Variants in CSPP1 observed in about 807,000 individuals in gnomAD.
CSPP1 encodes centrosome and spindle pole-associated protein 1.
In CSPP1, 126 loss-of-function variants were observed where a neutral mutation model predicts 164.4. That is an observed-to-expected ratio of 0.77 (90% CI 0.66 to 0.89). The LOEUF is 0.89. Among genes scored for constraint, CSPP1 ranks in the 40% least tolerant of loss-of-function variants. The pLI is 0.00. For missense variants in CSPP1, 1,395 were observed against 1,449.8 expected (o/e 0.96, Z 0.61); for synonymous variants, 472 against 476.7 (o/e 0.99, Z 0.13).
Position 67,172,618 on chromosome 8 carries a change from A to AGATT in CSPP1, c.2968+63_2968+64insGATT. Reference sequence around the variant, plus strand: ...GTGTTCTACCCATATTTAAATATCTATAAAGATCTTTGTACCCTTTTTCTA... The same window carrying AGATT: ...GTGTTCTACCCATATTTAAATATCTAGATTTAAAGATCTTTGTACCCTTTTTCTA... On this transcript the variant is annotated intron_variant, in intron 25 of 30. Coordinates refer to ENST00000678616, the MANE Select transcript of CSPP1 (RefSeq NM_001382391.1). 7.3e-6 allele frequency: 10 copies of AGATT among 1,361,594 alleles called. No individual in the cohort carries two copies. The African/African-American group carries it at 1.3e-4, about 18-fold the overall frequency. The allele number at this position is 1,361,594 out of a possible 1,614,324, so 84.3% of individuals were successfully genotyped here. A position where few individuals can be genotyped will look rare whatever the true frequency, so the allele number is the denominator to read the frequency against.
intron 1 of CSPP1, among the ~76,000 whole-genome samples, chr8:67,066,998 C>T (rs140234441): frequency 2.0e-5 from 3 of 152,272 alleles, no homozygotes; most frequent in South Asian, 2.1e-4. Flanking sequence ...TCAAGCGATC[C>T]GCCCGTCTTG....
intron 24 of CSPP1, among the ~76,000 whole-genome samples, chr8:67,167,032 G>A (rs531092204): frequency 6.6e-6 from 1 of 151,324 alleles, no homozygotes. Flanking sequence ...AGAGAGCACC[G>A]GGTTGGGGGT....
chr8:67,166,318 T>G (rs1829298961), intron 24 of CSPP1, among the ~76,000 whole-genome samples: 1 of 152,230 alleles, frequency 6.6e-6, no homozygotes, highest in Admixed American at 6.5e-5. Flanking sequence ...TATATGTATG[T>G]TATACTAAGT....
chr8:67,136,081 C>A (rs2129554908), intron 16 of CSPP1, among the ~76,000 whole-genome samples: 1 of 152,152 alleles, frequency 6.6e-6, no homozygotes, highest in South Asian at 2.1e-4. Flanking sequence ...CGCCCCAAAA[C>A]AATTATAATA....
chr8:67,142,336 A>G (rs995860772), intron 17 of CSPP1, among the ~76,000 whole-genome samples: 2 of 152,236 alleles, frequency 1.3e-5, no homozygotes, highest in African/African-American at 4.8e-5. Context: ...CATAGTTCCA[A>G]TTGATTAACA....
chr8:67,112,436 C>T (rs922682344), intron 10 of CSPP1, among the ~76,000 whole-genome samples: 1 of 151,850 alleles, frequency 6.6e-6, no homozygotes, highest in Non-Finnish European at 1.5e-5. Context: ...TGCACACACA[C>T]ATACATGCAA....
chr8:67,106,556 G>A (rs1479507348), intron 9 of CSPP1, among the ~76,000 whole-genome samples: 1 of 151,880 alleles, frequency 6.6e-6, no homozygotes, highest in Non-Finnish European at 1.5e-5. Context: ...AAGGTGTTTT[G>A]TTCAAATCGT....
At chr8:67,088,828 C>T (rs112767178) in intron 4 of CSPP1, among the ~76,000 whole-genome samples, 1 of 150,008 alleles carries the variant, frequency 6.7e-6, no homozygotes, top group South Asian at 2.1e-4. Flanking sequence ...ACCCTGGAGG[C>T]GGAGCTTGCA....
rs561378352 is a variant in CSPP1, at chr8:67,147,059, A to G, written c.1976-2724A>G. ...CTGATAGTCTTAAATCTTAATAATT[A>G]TGTACTCTGATGAAATTAATTTTCT... is the stretch of plus-strand genomic sequence containing the variant. On this transcript the variant is annotated intron_variant, in intron 17 of 30. Transcript: ENST00000678616. Among the ~76,000 whole-genome samples the G allele has an allele frequency of 2.6e-5, 4 of 152,346 alleles. No homozygotes were observed. In the East Asian group the frequency reaches 5.8e-4, roughly 22 times the overall value.
chr8:67,101,176 G>A (rs1425272113), intron 7 of CSPP1, among the ~76,000 whole-genome samples: 2 of 152,188 alleles, frequency 1.3e-5, no homozygotes, highest in African/African-American at 4.8e-5. Context: ...TGGTGCCCAA[G>A]GTTTTTATTG....
chr8:67,153,210 A>G (rs899775502), intron 18 of CSPP1, among the ~76,000 whole-genome samples: 4 of 152,184 alleles, frequency 2.6e-5, no homozygotes, highest in African/African-American at 9.6e-5. Flanking sequence ...TCAAAAAACA[A>G]AAAAAGAAAT....
At position 67,195,780 on chromosome 8, in the gene CSPP1, TAATAG is replaced by T; in HGVS notation, c.*191_*195del. 3.5e-6 allele frequency: 2 copies of T among 579,670 alleles called. No individual in the cohort carries two copies. The highest frequency in any genetic ancestry group is 2.2e-5 in the South Asian group (1 of 44,938). The allele number at this position is 579,670 out of a possible 1,614,324, so 35.9% of individuals were successfully genotyped here. Reference sequence around the variant, plus strand: ...AAAAGGCCATGATTATTGATTTATATAATAGAATTGTATAGATTATTTTTGCACAG... The same window carrying T: ...AAAAGGCCATGATTATTGATTTATATAATTGTATAGATTATTTTTGCACAG... On this transcript the variant is annotated 3_prime_UTR_variant, in exon 31 of 31. Coordinates refer to ENST00000678616, the MANE Select transcript of CSPP1 (RefSeq NM_001382391.1).
chr8:67,137,710 C>A, intron 17 of CSPP1, 107 bp downstream of exon 17: 1 of 550,922 alleles, frequency 1.8e-6, no homozygotes, highest in Non-Finnish European at 3.0e-6. Flanking sequence ...TATAGCAACG[C>A]ATGTATGTAA....
chr8:67,097,334 A>T (rs1485915638), intron 7 of CSPP1, among the ~76,000 whole-genome samples: 1 of 152,210 alleles, frequency 6.6e-6, no homozygotes, highest in Non-Finnish European at 1.5e-5. Flanking sequence ...TGTAGCTGTT[A>T]TGTCCTCACA....
chr8:67,167,819 A>C, intron 24 of CSPP1, among the ~76,000 whole-genome samples: 1 of 139,414 alleles, frequency 7.2e-6, no homozygotes, highest in African/African-American at 2.7e-5. Context: ...CAGACTGGGC[A>C]GCCGGGCAGA....
chr8:67,131,879 C>CA, intron 15 of CSPP1, 72 bp from the exon 16 acceptor site: 3 of 1,368,348 alleles, frequency 2.2e-6, no homozygotes, highest in Non-Finnish European at 3.0e-6. Context: ...CATGCTATTT[C>CA]AAAAAACTGT....
intron 4 of CSPP1, among the ~76,000 whole-genome samples, chr8:67,091,095 C>T (rs1811515100): frequency 6.6e-6 from 1 of 152,012 alleles, no homozygotes; most frequent in South Asian, 2.1e-4. Flanking sequence ...TTTTTGTCCT[C>T]CTTCATCCTT....
At chr8:67,088,627 C>CAGT (rs112849334) in intron 4 of CSPP1, among the ~76,000 whole-genome samples, 1 of 149,272 alleles carries the variant, frequency 6.7e-6, no homozygotes, top group Admixed American at 6.6e-5. Context: ...GCCGGGGGCA[C>CAGT]GGCTGACGCC....
At chr8:67,151,189 T>C (rs1450885903) in intron 18 of CSPP1, among the ~76,000 whole-genome samples, 1 of 152,208 alleles carries the variant, frequency 6.6e-6, no homozygotes, top group Non-Finnish European at 1.5e-5. Flanking sequence ...TTTCTAATTA[T>C]GAGAAAATGC....
Sources: gnomAD v4.1 joint callset for allele counts (sites outside exome capture counted in the v4.1 genomes callset) on GRCh38, gnomAD v4.1.1 for gene constraint, MANE v1.5 for transcripts, NCBI Gene and HGNC (gene_info 2026-07-23, HGNC 2026-07-21) for gene names.